The following CAST variants were observed in gnomAD, a reference collection of about 807,000 sequenced individuals.
The protein encoded by CAST is MIR583 host.
Under a neutral mutation model 119.6 loss-of-function variants are expected in CAST, and 76 were observed. The observed-to-expected ratio is 0.64, with a 90% CI of 0.53 to 0.77. The LOEUF is 0.77. Ranked by LOEUF, CAST falls within the 30% of genes least tolerant of loss-of-function variation. The pLI, the probability that CAST is intolerant of heterozygous loss-of-function variation, is 0.00. For synonymous variants in CAST, 319 were observed against 331.6 expected (o/e 0.96, Z 0.41); for missense variants, 953 against 946.5 (o/e 1.01, Z -0.09).
chr5:96,574,476 T>C (rs1012097215), intron 1 of CAST, among the ~76,000 whole-genome samples: 4 of 152,228 alleles, frequency 2.6e-5, no homozygotes, highest in African/African-American at 2.4e-5. Flanking sequence ...CTTTTCTCCA[T>C]TGTGTAGCTT....
the CAST span, among the ~76,000 whole-genome samples, chr5:96,326,166 T>C: frequency 6.6e-6 from 1 of 152,206 alleles, no homozygotes; most frequent in African/African-American, 2.4e-5. Flanking sequence ...TTTGGTTCCC[T>C]TATTACCTTT....
intron 9 of CAST, among the ~76,000 whole-genome samples, chr5:96,734,135 G>A (rs1395070823): frequency 1.3e-5 from 2 of 152,254 alleles, no homozygotes; most frequent in Admixed American, 1.3e-4. Flanking sequence ...GATTGCAGGT[G>A]TTGAAAAGTG....
chr5:96,567,200 C>T (rs767654209), intron 1 of CAST, among the ~76,000 whole-genome samples: 9 of 152,186 alleles, frequency 5.9e-5, no homozygotes, highest in Admixed American at 3.3e-4. Context: ...ACTTGAATCA[C>T]GTTTTTCCTC....
chr5:96,674,535 C>A (rs1253473760), intron 1 of CAST, among the ~76,000 whole-genome samples: 1 of 152,076 alleles, frequency 6.6e-6, no homozygotes, highest in Non-Finnish European at 1.5e-5. Context: ...TGGAATAATT[C>A]TTTGTGCCCC....
the CAST span, among the ~76,000 whole-genome samples, chr5:96,435,368 C>T: frequency 5.3e-5 from 8 of 152,344 alleles, no homozygotes; most frequent in Admixed American, 2.0e-4. Flanking sequence ...ATAATATCCT[C>T]ATCCACACAA....
the CAST span, among the ~76,000 whole-genome samples, chr5:96,278,910 G>A: frequency 6.6e-6 from 1 of 152,082 alleles, no homozygotes; most frequent in Non-Finnish European, 1.5e-5. Context: ...ATATCCTATA[G>A]CTTAAAAAAT....
At chr5:96,137,744 T>C in the CAST span, among the ~76,000 whole-genome samples, 35 of 152,230 alleles carry the variant, frequency 2.3e-4, no homozygotes, top group East Asian at 6.6e-3. Context: ...TAATGACAAA[T>C]TATGTTGAGC....
intron 1 of CAST, among the ~76,000 whole-genome samples, chr5:96,594,720 C>T (rs1331972521): frequency 6.6e-6 from 1 of 152,234 alleles, no homozygotes; most frequent in East Asian, 1.9e-4. Context: ...TGCAGTAAAT[C>T]CTACAAATGA....
chr5:96,411,056 T>C, the CAST span: 4 of 1,078,690 alleles, frequency 3.7e-6, no homozygotes, highest in Non-Finnish European at 5.8e-6. Flanking sequence ...CCCAATAAAA[T>C]CCCCAACGAC....
chr5:96,536,834 A>AT (rs34848138), intron 1 of CAST, among the ~76,000 whole-genome samples: 93,840 of 151,634 alleles, frequency 0.62, 29,340 homozygotes, highest in East Asian at 0.86. Flanking sequence ...AACAGTATAA[A>AT]TTTTTTTTAT....
the CAST span, among the ~76,000 whole-genome samples, chr5:96,512,682 C>A: frequency 6.6e-6 from 1 of 152,114 alleles, no homozygotes; most frequent in Non-Finnish European, 1.5e-5. Context: ...ACCTCATTAA[C>A]AAGAAACACA....
intron 1 of CAST, among the ~76,000 whole-genome samples, chr5:96,602,941 A>T (rs1224688027): frequency 6.6e-6 from 1 of 152,210 alleles, no homozygotes; most frequent in Non-Finnish European, 1.5e-5. Context: ...AAAGGCCTGG[A>T]AGAAGAAAGG....
chr5:96,272,500 C>T, the CAST span, among the ~76,000 whole-genome samples: 17,684 of 151,884 alleles, frequency 0.12, 1,261 homozygotes, highest in East Asian at 0.21. Context: ...AGTGAAATAA[C>T]GGAAAGACAA....
chr5:96,510,487 G>A, the CAST span, among the ~76,000 whole-genome samples: 57,057 of 151,904 alleles, frequency 0.38, 10,995 homozygotes, highest in Middle Eastern at 0.44. Context: ...ATAATGGTTT[G>A]TTTTTTTCCC....
chr5:96,740,695 TAA>T, intron 12 of CAST, 48 bp from the exon 13 acceptor site: 1 of 1,397,064 alleles, frequency 7.2e-7, no homozygotes, highest in African/African-American at 1.4e-5. Context: ...TTGCCGATCT[TAA>T]GGATTAATTC....
At chr5:96,681,720 G>T (rs1279128443) in intron 2 of CAST, among the ~76,000 whole-genome samples, 68 of 125,824 alleles carry the variant, frequency 5.4e-4, no homozygotes, top group African/African-American at 1.5e-3. Flanking sequence ...GCGACAGAGC[G>T]AGACTCCGTC....
At chr5:96,264,680 T>A in the CAST span, among the ~76,000 whole-genome samples, 1 of 152,226 alleles carries the variant, frequency 6.6e-6, no homozygotes, top group Non-Finnish European at 1.5e-5. Flanking sequence ...TTCCTATTCA[T>A]CCTGTGGGCA....
intron 1 of CAST, chr5:96,631,123 T>C (rs1466242847): frequency 7.1e-6 from 1 of 140,294 alleles, no homozygotes. Context: ...ATTTTTTAAA[T>C]TGACATATAC....
chr5:96,271,822 C>T, the CAST span, among the ~76,000 whole-genome samples: 1 of 152,056 alleles, frequency 6.6e-6, no homozygotes, highest in Non-Finnish European at 1.5e-5. Context: ...TGAACAGACA[C>T]CTCACAGAAT....
Sources: allele counts gnomAD v4.1 joint callset (sites outside exome capture counted in the v4.1 genomes callset), GRCh38; gene constraint gnomAD v4.1.1; transcripts MANE v1.5; gene names NCBI Gene and HGNC (gene_info 2026-07-23, HGNC 2026-07-21).